The following CCBE1 variants were observed in gnomAD, a reference collection of about 807,000 sequenced individuals.
The protein encoded by CCBE1 is collagen and calcium binding EGF domains 1.
In CCBE1, 37 loss-of-function variants were observed where a neutral mutation model predicts 50.0. That is an observed-to-expected ratio of 0.74 (90% confidence interval 0.57 to 0.97). The LOEUF (loss-of-function observed/expected upper bound fraction) is 0.97. Among genes scored for constraint, CCBE1 ranks in the 50% least tolerant of loss-of-function variants. The probability of loss-of-function intolerance (pLI) is 0.00; values close to 1 mark genes in which losing one functional copy is unlikely to be tolerated. For missense variants in CCBE1, 538 were observed against 523.8 expected (o/e 1.03, Z -0.26); for synonymous variants, 234 against 203.7 (o/e 1.15, Z -1.27).
chr18:59,445,743 C>G, intron 7 of CCBE1, among the ~76,000 whole-genome samples: 1 of 152,126 alleles, frequency 6.6e-6, no homozygotes, highest in East Asian at 1.9e-4. Context: ...TATTTTACCT[C>G]CAGTAGCACA....
chr18:59,565,222 G>T (rs2052803771), intron 2 of CCBE1, among the ~76,000 whole-genome samples: 1 of 113,190 alleles, frequency 8.8e-6, no homozygotes, highest in Admixed American at 7.9e-5. Context: ...GAGGGAGGAA[G>T]GGGAGTAGAA....
At chr18:59,688,907 T>A (rs925109440) in intron 2 of CCBE1, among the ~76,000 whole-genome samples, 1 of 152,158 alleles carries the variant, frequency 6.6e-6, no homozygotes, top group African/African-American at 2.4e-5. Flanking sequence ...AATTCAGACA[T>A]GTGGATGAGG....
chr18:59,607,895 C>T (rs950493434), intron 2 of CCBE1, among the ~76,000 whole-genome samples: 1 of 152,194 alleles, frequency 6.6e-6, no homozygotes, highest in Non-Finnish European at 1.5e-5. Flanking sequence ...ACCAGCCTGA[C>T]TAACATGGTG....
chr18:59,549,102 C>CAAAAAA (rs10661714), intron 2 of CCBE1, among the ~76,000 whole-genome samples: 9 of 115,764 alleles, frequency 7.8e-5, no homozygotes, highest in African/African-American at 2.0e-4. Context: ...GACTCCGTCT[C>CAAAAAA]AAAAAAAAAA....
At chr18:59,483,721 C>T (rs1912683911) in intron 2 of CCBE1, among the ~76,000 whole-genome samples, 1 of 152,180 alleles carries the variant, frequency 6.6e-6, no homozygotes, top group Admixed American at 6.5e-5. Context: ...CTTCATTCCT[C>T]TCCCTGTAAC....
chr18:59,510,405 A>C (rs973507683), intron 2 of CCBE1, among the ~76,000 whole-genome samples: 3 of 152,084 alleles, frequency 2.0e-5, no homozygotes, highest in Non-Finnish European at 4.4e-5. Flanking sequence ...AATATGAATA[A>C]TTTTTAAGTT....
intron 2 of CCBE1, among the ~76,000 whole-genome samples, chr18:59,606,592 C>A (rs557887335): frequency 6.6e-6 from 1 of 152,112 alleles, no homozygotes; most frequent in Non-Finnish European, 1.5e-5. Context: ...AGCATCTCCA[C>A]GGGGCCCCAG....
At chr18:59,484,292 G>A (rs1912711041) in intron 2 of CCBE1, among the ~76,000 whole-genome samples, 1 of 152,140 alleles carries the variant, frequency 6.6e-6, no homozygotes, top group Admixed American at 6.6e-5. Context: ...GAGAAAGTTG[G>A]ATACAAGGGG....
intron 2 of CCBE1, among the ~76,000 whole-genome samples, chr18:59,572,175 C>G (rs1191118385): frequency 6.6e-6 from 1 of 152,212 alleles, no homozygotes; most frequent in Non-Finnish European, 1.5e-5. Context: ...AAGCCCATGA[C>G]AGTGAGTGAA....
chr18:59,455,020 C>G (rs185023748), intron 5 of CCBE1, 69 bp from the exon 6 acceptor site: 1 of 1,220,670 alleles, frequency 8.2e-7, no homozygotes, highest in East Asian at 2.3e-5. Flanking sequence ...GAGACAGCAT[C>G]GGGAAGGGCG....
intron 2 of CCBE1, chr18:59,563,728 C>T (rs1235532967): frequency 6.6e-6 from 1 of 152,180 alleles, no homozygotes; most frequent in Non-Finnish European, 1.5e-5. Context: ...TTCTTCCCAA[C>T]AAAGGAACTT....
At chr18:59,637,959 A>T (rs1007694090) in intron 2 of CCBE1, among the ~76,000 whole-genome samples, 6 of 152,220 alleles carry the variant, frequency 3.9e-5, no homozygotes, top group African/African-American at 1.4e-4. Flanking sequence ...AAAATAGAAA[A>T]AGAGGAAATA....
chr18:59,605,270 C>A (rs2053482905), intron 2 of CCBE1, among the ~76,000 whole-genome samples: 1 of 152,184 alleles, frequency 6.6e-6, no homozygotes, highest in African/African-American at 2.4e-5. Flanking sequence ...CAGCTAAAGT[C>A]TTTAAGAACA....
rs886054050 is a variant in CCBE1, at chr18:59,433,137, T to C, written c.*2771A>G. The C allele has an allele frequency of 1.1e-4, 16 of 152,140 alleles. No homozygotes were observed. The highest frequency in any genetic ancestry group is 1.0e-3 in the Admixed American group (16 of 15,268). The allele number at this position is 152,140 out of a possible 1,614,324, so 9.4% of individuals were successfully genotyped here. On this transcript the variant is annotated 3_prime_UTR_variant, in exon 11 of 11. Transcript: ENST00000439986. ...TGCAGAGAGAAGGAGGAAGGAAAGA[T>C]GCTAGATAAAGAGCACCCCACCCTA...
intron 2 of CCBE1, among the ~76,000 whole-genome samples, chr18:59,528,225 G>A (rs1332541398): frequency 6.6e-6 from 1 of 152,134 alleles, no homozygotes; most frequent in Admixed American, 6.5e-5. Context: ...ACTTCAACAA[G>A]ATAGTCTTCA....
rs2053864739 is a variant in CCBE1 at position 59,632,674 on chromosome 18, C to T, written c.212+63955G>A. 1.3e-5 allele frequency among the ~76,000 whole-genome samples: 2 copies of T among 152,096 alleles called. 1 individual carries two copies. The highest frequency in any genetic ancestry group is 4.2e-4 in the South Asian group (2 of 4,816). On this transcript the variant is annotated intron_variant, in intron 2 of 10. Coordinates refer to ENST00000439986, the MANE Select transcript of CCBE1 (RefSeq NM_133459.4). The stretch of plus-strand genomic sequence containing the variant: ...CACGATCTTGGCTCACCGCAACTTC[C>T]AACCTCCCAGGTTCAAGCTAGTCTC...
chr18:59,672,157 AATC>A (rs1266633649), intron 2 of CCBE1, among the ~76,000 whole-genome samples: 3 of 152,212 alleles, frequency 2.0e-5, no homozygotes, highest in Non-Finnish European at 4.4e-5. Context: ...CTGTTTGGAA[AATC>A]ATAGTATCAT....
intron 2 of CCBE1, among the ~76,000 whole-genome samples, chr18:59,627,204 A>G (rs1008060160): frequency 1.3e-5 from 2 of 152,364 alleles, no homozygotes; most frequent in African/African-American, 4.8e-5. Flanking sequence ...TCCTAGTGAT[A>G]TATACACCAT....
rs563442191 is a variant in CCBE1, at chr18:59,433,534, A to T, written c.*2374T>A. ...AGGGAAGGAAGACTGTTGCCACTAG[A>T]GGTTTGCAAAGCCCCTTCCTAACAT... On this transcript the variant is annotated 3_prime_UTR_variant, in exon 11 of 11. Transcript: ENST00000439986. 1.3e-5 allele frequency: 2 copies of T among 152,200 alleles called. No individual in the cohort carries two copies. Among genetic ancestry groups the T allele is most frequent in the East Asian group, 3.9e-4 (2 of 5,176 alleles). 9.4% of individuals were successfully genotyped at this position (152,200 alleles called of 1,614,324 possible). A position where few individuals can be genotyped will look rare whatever the true frequency, so the allele number is the denominator to read the frequency against.
Sources: allele counts gnomAD v4.1 joint callset (sites outside exome capture counted in the v4.1 genomes callset), GRCh38; gene constraint gnomAD v4.1.1; transcripts MANE v1.5; gene names NCBI Gene and HGNC (gene_info 2026-07-23, HGNC 2026-07-21).